HGD: variants seen among roughly 807,000 people sequenced by gnomAD.
HGD encodes homogentisate oxidase.
A neutral mutation model predicts 60.8 loss-of-function variants in HGD; 61 were observed. The ratio of observed to expected loss-of-function variants is 1.00; its 90% CI spans 0.82 to 1.24. The LOEUF (loss-of-function observed/expected upper bound fraction) is 1.24, where lower values mean the gene tolerates loss of function less well. Ranked by LOEUF, HGD falls within the 50% of genes most tolerant of loss-of-function variation. The probability of loss-of-function intolerance (pLI) is 0.00; values close to 1 mark genes in which losing one functional copy is unlikely to be tolerated. For synonymous variants in HGD, 212 were observed against 187.7 expected, an observed-to-expected ratio of 1.13 and a Z score of -1.06; for missense variants, 542 against 547.1, an observed-to-expected ratio of 0.99 and a Z score of 0.09.
chr3:120,644,242 T>G (rs1278252831), intron 10 of HGD, 77 bp downstream of exon 10: 1 of 1,565,834 alleles, frequency 6.4e-7, no homozygotes, highest in Non-Finnish European at 8.8e-7. Flanking sequence ...GTAAAGTTTG[T>G]AACACTCGCC....
At chr3:120,666,328 A>G (rs183351361) in intron 4 of HGD, among the ~76,000 whole-genome samples, 2 of 152,240 alleles carry the variant, frequency 1.3e-5, no homozygotes, top group Admixed American at 1.3e-4. Flanking sequence ...AGGGAATTCA[A>G]AACAGAAGAA....
chr3:120,641,071 T>G (rs570901173), intron 11 of HGD, among the ~76,000 whole-genome samples: 1 of 152,248 alleles, frequency 6.6e-6, no homozygotes, highest in East Asian at 1.9e-4. Context: ...GCTCTAGAAT[T>G]TCTTTGGTTT....
chr3:120,630,507 A>C (rs1940550378), intron 13 of HGD, among the ~76,000 whole-genome samples: 1 of 152,106 alleles, frequency 6.6e-6, no homozygotes, highest in Non-Finnish European at 1.5e-5. Flanking sequence ...TGAAGCTGAC[A>C]AAAACAAGCA....
At chr3:120,681,322 G>A (rs1001110193) in intron 1 of HGD, among the ~76,000 whole-genome samples, 1 of 152,220 alleles carries the variant, frequency 6.6e-6, no homozygotes, top group African/African-American at 2.4e-5. Context: ...TGGGCACTAG[G>A]CATGGTTTTA....
chr3:120,670,112 TGAA>T (rs1322938119), intron 4 of HGD, among the ~76,000 whole-genome samples: 1 of 152,184 alleles, frequency 6.6e-6, no homozygotes, highest in African/African-American at 2.4e-5. Context: ...TGCCGCCATA[TGAA>T]GAAGGATGTG....
At chr3:120,656,218 C>G (rs1232917827) in intron 4 of HGD, among the ~76,000 whole-genome samples, 1 of 152,186 alleles carries the variant, frequency 6.6e-6, no homozygotes, top group East Asian at 1.9e-4. Flanking sequence ...ACACCTCGGA[C>G]TTGGACTCTC....
chr3:120,634,292 A>G (rs1385616546), intron 12 of HGD, among the ~76,000 whole-genome samples: 1 of 152,234 alleles, frequency 6.6e-6, no homozygotes, highest in African/African-American at 2.4e-5. Context: ...ACAAAATTTA[A>G]CAAAAATCAC....
intron 3 of HGD, among the ~76,000 whole-genome samples, chr3:120,674,032 G>A (rs1429300392): frequency 6.6e-6 from 1 of 152,150 alleles, no homozygotes; most frequent in Non-Finnish European, 1.5e-5. Flanking sequence ...TATCATTTGT[G>A]TGGTCCATTA....
rs1708093396 is a variant in HGD at position 120,674,901 on chromosome 3, C to T, written c.176G>A (p.Ser59Asn). The T allele has an allele frequency of 6.2e-7, 1 of 1,600,586 alleles. No homozygotes were observed. Among genetic ancestry groups the T allele is most frequent in the Non-Finnish European group, 8.6e-7 (1 of 1,168,140 alleles). ...GTCAGAATTCATCTAATCCTTGTAC[C>T]TTCTCTTATTGGTGCTCCGTGGACA... The part of the protein sequence containing the change: ...FTCPRSTNKR[S>N]WLYRILPSVS... Residue 59 changes from serine (S) to asparagine (N), a missense_variant and splice_region_variant, in exon 3 of 14, where the codon AGC becomes AAC. This residue lies in a region of HGD where 537 missense variants were observed against 529.1 expected (regional missense o/e 1.01). Coordinates refer to ENST00000283871, the MANE Select transcript of HGD (RefSeq NM_000187.4).
At position 120,674,883 on chromosome 3, in the gene HGD, T is replaced by C; in HGVS notation, c.176+18A>G. On this transcript the variant is annotated intron_variant, in intron 3 of 13. Transcript: ENST00000283871. ...AGTACCCACAGTCTGCAGGTCAGAA[T>C]TCATCTAATCCTTGTACCTTCTCTT... 1 of 1,554,582 alleles carries C rather than the reference T, an allele frequency of 6.4e-7. No individual in the cohort carries two copies. Among genetic ancestry groups the C allele is most frequent in the East Asian group, 2.2e-5 (1 of 44,546 alleles).
chr3:120,664,678 A>G (rs1707859309), intron 4 of HGD, among the ~76,000 whole-genome samples: 1 of 151,934 alleles, frequency 6.6e-6, no homozygotes, highest in Non-Finnish European at 1.5e-5. Context: ...TGAACCTCTC[A>G]TCTTGGCCTC....
At chr3:120,668,773 T>C (rs1463183082) in intron 4 of HGD, among the ~76,000 whole-genome samples, 4 of 152,160 alleles carry the variant, frequency 2.6e-5, no homozygotes, top group Non-Finnish European at 4.4e-5. Context: ...CATTTTACAA[T>C]TGAAACATCA....
intron 13 of HGD, among the ~76,000 whole-genome samples, chr3:120,632,072 G>A (rs1352006171): frequency 2.0e-5 from 3 of 152,098 alleles, no homozygotes; most frequent in Non-Finnish European, 4.4e-5. Context: ...TGAGATGTAG[G>A]GGTTCTACAG....
At chr3:120,640,294 T>A (rs1242079885) in intron 11 of HGD, among the ~76,000 whole-genome samples, 4 of 148,102 alleles carry the variant, frequency 2.7e-5, no homozygotes, top group African/African-American at 1.0e-4. Flanking sequence ...GGAAGGGAAA[T>A]GACATTTTAA....
chr3:120,635,846 T>C (rs1940754505), intron 12 of HGD, among the ~76,000 whole-genome samples: 1 of 152,120 alleles, frequency 6.6e-6, no homozygotes. Flanking sequence ...TATAGCACAG[T>C]AGCAAACTTG....
intron 4 of HGD, among the ~76,000 whole-genome samples, chr3:120,664,426 C>CTTTTTT (rs71133513): frequency 8.4e-5 from 10 of 118,816 alleles, no homozygotes; most frequent in Non-Finnish European, 1.2e-4. Context: ...TTTTTTCTTC[C>CTTTTTT]TTTTTTTTTT....
intron 4 of HGD, among the ~76,000 whole-genome samples, chr3:120,665,025 G>T (rs1294478471): frequency 6.6e-6 from 1 of 152,180 alleles, no homozygotes; most frequent in Non-Finnish European, 1.5e-5. Context: ...GATAAAGTGG[G>T]TTTAGATTAT....
chr3:120,652,754 C>A, intron 4 of HGD, 103 bp from the exon 5 acceptor site: 1 of 770,076 alleles, frequency 1.3e-6, no homozygotes, highest in East Asian at 2.7e-5. Context: ...GACAGCTACC[C>A]CCTCTGTGAG....
In HGD at chr3:120,633,141, A is replaced by G. The variant is rs1940642196; in HGVS notation, c.1188+6T>C. ...GCCGCTGGAATGTGGCAGTTAACAT[A>G]CTTACCATGGTGCCATCGGCAATCC... On this transcript the variant is annotated splice_donor_region_variant and intron_variant, in intron 13 of 13. Coordinates refer to ENST00000283871, the MANE Select transcript of HGD (RefSeq NM_000187.4). 1.9e-6 allele frequency: 3 copies of G among 1,613,904 alleles called. No individual in the cohort carries two copies. In the African/African-American group the frequency reaches 4.0e-5, roughly 22 times the overall value.
Sources: allele counts gnomAD v4.1 joint callset (sites outside exome capture counted in the v4.1 genomes callset), GRCh38; gene constraint gnomAD v4.1.1; regional missense constraint gnomAD v4.1.1; transcripts MANE v1.5; gene names NCBI Gene and HGNC (gene_info 2026-07-23, HGNC 2026-07-21).